Variants in EPB41L4A observed in about 807,000 individuals in gnomAD.
EPB41L4A encodes band 4.1-like protein 4A.
In EPB41L4A, 100 loss-of-function variants were observed where a neutral mutation model predicts 108.6. The observed-to-expected ratio is 0.92, with a 90% CI of 0.78 to 1.09. The LOEUF (loss-of-function observed/expected upper bound fraction) is 1.09, where lower values mean the gene tolerates loss of function less well. Among genes scored for constraint, EPB41L4A ranks in the 50% least tolerant of loss-of-function variants. The pLI is 0.00. For synonymous variants in EPB41L4A, 319 were observed against 289.0 expected (o/e 1.10, Z -1.05); for missense variants, 1,030 against 842.7 (o/e 1.22, Z -2.75).
chr5:112,146,420 T>A (rs1759260313), intron 12 of EPB41L4A, among the ~76,000 whole-genome samples: 1 of 152,188 alleles, frequency 6.6e-6, no homozygotes, highest in African/African-American at 2.4e-5. Context: ...GCTGTTTGAG[T>A]AATTCTGTGT....
intron 1 of EPB41L4A, among the ~76,000 whole-genome samples, chr5:112,373,647 C>T (rs1759630901): frequency 6.6e-6 from 1 of 152,194 alleles, no homozygotes. Flanking sequence ...AGTTACTAAA[C>T]TTGCCCAGCC....
chr5:112,339,542 A>ATATTT (rs371198329), intron 1 of EPB41L4A, among the ~76,000 whole-genome samples: 1 of 110,684 alleles, frequency 9.0e-6, no homozygotes, highest in Non-Finnish European at 1.9e-5. Flanking sequence ...ATATATATAT[A>ATATTT]TTTTTTTTTT....
chr5:112,306,772 T>C (rs556922273), intron 2 of EPB41L4A, among the ~76,000 whole-genome samples: 4 of 152,306 alleles, frequency 2.6e-5, no homozygotes, highest in East Asian at 3.9e-4. Context: ...TCCAAAGTTT[T>C]TCCATTGTGG....
At chr5:112,199,477 G>A (rs1037145350) in intron 15 of EPB41L4A, among the ~76,000 whole-genome samples, 8 of 152,092 alleles carry the variant, frequency 5.3e-5, no homozygotes, top group African/African-American at 1.9e-4. Context: ...CATTGGCTTT[G>A]TCTTTTTGCA....
intron 1 of EPB41L4A, among the ~76,000 whole-genome samples, chr5:112,415,315 G>A (rs565182208): frequency 6.6e-6 from 1 of 151,974 alleles, no homozygotes; most frequent in Admixed American, 6.5e-5. Context: ...CGAAATGTAT[G>A]GTATACCTTA....
At chr5:112,222,631 AT>A (rs1748145985) in intron 12 of EPB41L4A, among the ~76,000 whole-genome samples, 2 of 152,128 alleles carry the variant, frequency 1.3e-5, no homozygotes, top group African/African-American at 4.8e-5. Flanking sequence ...AGCCAACTCC[AT>A]TCTTCTTTCT....
intron 1 of EPB41L4A, among the ~76,000 whole-genome samples, chr5:112,350,177 G>A (rs1253200131): frequency 1.3e-5 from 2 of 152,238 alleles, no homozygotes; most frequent in African/African-American, 2.4e-5. Flanking sequence ...GTTTAAATAC[G>A]CATATGTGGC....
chr5:112,195,953 T>A (rs1255356550), intron 15 of EPB41L4A, among the ~76,000 whole-genome samples: 1 of 152,174 alleles, frequency 6.6e-6, no homozygotes, highest in Non-Finnish European at 1.5e-5. Context: ...ATTAATCCAA[T>A]GATGAGGTTA....
At chr5:112,272,523 G>A (rs867209213) in intron 4 of EPB41L4A, among the ~76,000 whole-genome samples, 17 of 151,738 alleles carry the variant, frequency 1.1e-4, no homozygotes, top group African/African-American at 2.7e-4. Context: ...TAAAAAGACC[G>A]GGTTACAGCA....
In EPB41L4A at chr5:112,416,246, A is replaced by G. The variant is rs1006204120; in HGVS notation, c.99+2695T>C. Among the ~76,000 whole-genome samples, 3 of 152,268 alleles carry G rather than the reference A, an allele frequency of 2.0e-5. No homozygotes were observed. The South Asian group carries it at 6.2e-4, about 32-fold the overall frequency. On this transcript the variant is annotated intron_variant, in intron 1 of 22. Transcript: ENST00000261486. Reference sequence around the variant, plus strand: ...AAGAATGTTTTTCAAAATGATACACAGAAAAAATGTTTACCAAGATTCTCT... The same window carrying G: ...AAGAATGTTTTTCAAAATGATACACGGAAAAAATGTTTACCAAGATTCTCT...
chr5:112,246,756 T>A (rs1750260677), intron 9 of EPB41L4A, among the ~76,000 whole-genome samples: 1 of 152,200 alleles, frequency 6.6e-6, no homozygotes, highest in Admixed American at 6.5e-5. Context: ...CTCCACATTT[T>A]TCCTCTGCCC....
At chr5:112,237,519 A>G (rs1749434862) in intron 11 of EPB41L4A, among the ~76,000 whole-genome samples, 1 of 152,150 alleles carries the variant, frequency 6.6e-6, no homozygotes. Context: ...AATTACACAC[A>G]CAAACACACC....
upstream of EPB41L4A, chr5:112,419,646 G>A (rs1339171499): frequency 6.6e-6 from 3 of 456,220 alleles, no homozygotes; most frequent in Non-Finnish European, 1.3e-5. Context: ...ACGACGCCCC[G>A]ACCATGGGCG....
chr5:112,234,311 G>A (rs868745590), intron 12 of EPB41L4A, among the ~76,000 whole-genome samples: 5 of 151,744 alleles, frequency 3.3e-5, no homozygotes, highest in Non-Finnish European at 5.9e-5. Context: ...GGGCCCAGGA[G>A]GTCAAGGCAG....
intron 6 of EPB41L4A, 116 bp from the exon 7 acceptor site, chr5:112,262,697 A>T: frequency 1.2e-6 from 1 of 853,972 alleles, no homozygotes; most frequent in Non-Finnish European, 1.8e-6. Context: ...TTACTAATGC[A>T]AACTTAAGTC....
intron 15 of EPB41L4A, among the ~76,000 whole-genome samples, chr5:112,202,913 G>C (rs1762286101): frequency 6.6e-6 from 1 of 152,100 alleles, no homozygotes; most frequent in African/African-American, 2.4e-5. Flanking sequence ...AAGTATAAAA[G>C]TCATTTAGGC....
In EPB41L4A at chr5:112,209,908, G is replaced by A; in HGVS notation, c.1162C>T (p.Pro388Ser). Residue 388 changes from proline (P) to serine (S), a missense_variant, in exon 13 of 23, where the codon CCT becomes TCT. By Grantham distance (74) the Pro-to-Ser change is moderately conservative. Transcript: ENST00000261486. ...ENEGTIKIIAPSPVKSFKKAK... is the reference protein window; with the variant it reads ...ENEGTIKIIASSPVKSFKKAK... The stretch of plus-strand genomic sequence containing the variant: ...TTCACTGACCTTTTTACTGGTGAAG[G>A]TGCAATAATTTTAATTGTTCCTTCA... 2 of 1,600,794 alleles carry A rather than the reference G, an allele frequency of 1.2e-6. No individual in the cohort carries two copies. Among genetic ancestry groups the A allele is most frequent in the Admixed American group, 1.7e-5 (1 of 59,700 alleles).
intron 1 of EPB41L4A, among the ~76,000 whole-genome samples, chr5:112,404,483 C>A (rs1761965094): frequency 6.6e-6 from 1 of 152,196 alleles, no homozygotes; most frequent in Admixed American, 6.5e-5. Flanking sequence ...CCTCCCAATA[C>A]TTGTCATATT....
At chr5:112,302,264 G>A (rs1037847740) in intron 2 of EPB41L4A, among the ~76,000 whole-genome samples, 1 of 152,090 alleles carries the variant, frequency 6.6e-6, no homozygotes, top group Non-Finnish European at 1.5e-5. Context: ...CTAGCACTTT[G>A]GGAGGCTGAG....
Sources: gnomAD v4.1 joint callset for allele counts (sites outside exome capture counted in the v4.1 genomes callset) on GRCh38, gnomAD v4.1.1 for gene constraint, MANE v1.5 for transcripts, NCBI Gene and HGNC (gene_info 2026-07-23, HGNC 2026-07-21) for gene names.